The following NUP205 variants were observed in gnomAD, a reference collection of about 807,000 sequenced individuals.
NUP205 encodes the protein nuclear pore complex protein Nup205.
A neutral mutation model predicts 253.8 loss-of-function variants in NUP205; 76 were observed. That is an observed-to-expected ratio of 0.30 (90% CI 0.25 to 0.36). The LOEUF (loss-of-function observed/expected upper bound fraction) is 0.36. NUP205 is among the 10% of genes least tolerant of loss of function. The pLI is 1.00. For missense variants in NUP205, 2,162 were observed against 2,425.5 expected, an observed-to-expected ratio of 0.89 and a Z score of 2.28; for synonymous variants, 832 against 850.1, an observed-to-expected ratio of 0.98 and a Z score of 0.37.
intron 1 of NUP205, among the ~76,000 whole-genome samples, chr7:135,567,425 CAAAAAAA>C (rs760535798): frequency 3.8e-4 from 25 of 65,012 alleles, no homozygotes; most frequent in Middle Eastern, 9.8e-3. Flanking sequence ...CTGTCTATAC[CAAAAAAA>C]AAAAAAAAAA....
At chr7:135,594,808 G>T (rs371487808) in intron 13 of NUP205, 79 bp downstream of exon 13, 1 of 1,114,102 alleles carries the variant, frequency 9.0e-7, no homozygotes, top group African/African-American at 1.6e-5. Context: ...GCAAGAACAT[G>T]CAATTGGAAC....
intron 39 of NUP205, 102 bp from the exon 40 acceptor site, chr7:135,644,793 T>G: frequency 1.8e-6 from 2 of 1,105,798 alleles, no homozygotes; most frequent in East Asian, 2.5e-5. Context: ...TAAATTTGAG[T>G]GTTTTTCATA....
At chr7:135,638,736 A>G (rs1563139741) in intron 38 of NUP205, 53 bp downstream of exon 38, 1 of 1,587,998 alleles carries the variant, frequency 6.3e-7, no homozygotes, top group East Asian at 2.2e-5. Context: ...TATGGTTATG[A>G]CATAGCTCTC....
intron 22 of NUP205, among the ~76,000 whole-genome samples, chr7:135,607,737 G>A (rs922577982): frequency 1.3e-5 from 2 of 152,150 alleles, no homozygotes; most frequent in Admixed American, 6.5e-5. Flanking sequence ...GGCATGAAAC[G>A]TCTCTGACTC....
intron 20 of NUP205, 102 bp from the exon 21 acceptor site, chr7:135,606,649 C>A: frequency 1.2e-6 from 1 of 845,850 alleles, no homozygotes; most frequent in Non-Finnish European, 1.9e-6. Context: ...GGCAAACGAT[C>A]TAAAGAAAAC....
At chr7:135,614,612 T>G in intron 23 of NUP205, among the ~76,000 whole-genome samples, 1 of 152,130 alleles carries the variant, frequency 6.6e-6, no homozygotes, top group South Asian at 2.1e-4. Flanking sequence ...CCAGGCTGTT[T>G]ATGAGGAAAA....
chr7:135,561,819 A>T (rs1477994126), intron 1 of NUP205, among the ~76,000 whole-genome samples: 2 of 151,668 alleles, frequency 1.3e-5, no homozygotes, highest in African/African-American at 2.4e-5. Flanking sequence ...CTCATGCGTC[A>T]CTCCACTTAC....
In NUP205 at chr7:135,592,868, C is replaced by T. The variant is rs565842252; in HGVS notation, c.1625-119C>T. The stretch of plus-strand genomic sequence containing the variant: ...CCCCTCTGCACTCCAGCCTGGGTGA[C>T]AGTGAGACTCTATCTCAAAAAAGAA... On this transcript the variant is annotated intron_variant, in intron 11 of 42. Transcript: ENST00000285968. The T allele has an allele frequency of 2.2e-5, 16 of 729,238 alleles. No homozygotes were observed. The African/African-American group carries it at 2.7e-4, about 12-fold the overall frequency. The allele number at this position is 729,238 out of a possible 1,614,324, so 45.2% of individuals were successfully genotyped here.
At chr7:135,583,449 T>C (rs1487204999) in intron 7 of NUP205, among the ~76,000 whole-genome samples, 3 of 152,064 alleles carry the variant, frequency 2.0e-5, no homozygotes, top group Non-Finnish European at 4.4e-5. Context: ...TGCACCCAGC[T>C]GAGGAATTAG....
chr7:135,585,418 A>C (rs1337010214), intron 8 of NUP205, among the ~76,000 whole-genome samples: 1 of 152,224 alleles, frequency 6.6e-6, no homozygotes, highest in Non-Finnish European at 1.5e-5. Context: ...AATTAAATGA[A>C]AATGCTTCTG....
Position 135,571,133 on chromosome 7 carries a change from C to G in NUP205, c.57C>G (p.Asp19Glu). ...SAASLWGPYK[D>E]IWHKVGNALW... is the part of the protein sequence containing the mutation. ...CTAGTCTATGGGGTCCTTACAAAGA[C>G]ATTTGGCATAAAGTGGGAAATGCTC... The change falls in exon 2 of 43, where the codon GAC becomes GAG. Residue 19 changes from aspartate (D) to glutamate (E), a missense_variant. Asp to Glu is a conservative substitution (Grantham distance 45, BLOSUM62 2). This residue lies in a region of NUP205 where 109 missense variants were observed against 131.8 expected (regional missense o/e 0.83). Transcript: ENST00000285968. 1 of 1,549,928 alleles carries G rather than the reference C, an allele frequency of 6.5e-7. No individual in the cohort carries two copies. Among genetic ancestry groups the G allele is most frequent in the South Asian group, 1.2e-5 (1 of 83,454 alleles).
rs751534580 is a variant in NUP205 at position 135,557,986 on chromosome 7, G to C, written c.28+14G>C. On this transcript the variant is annotated intron_variant, in intron 1 of 42. Coordinates refer to ENST00000285968, the MANE Select transcript of NUP205 (RefSeq NM_015135.3). ...CGGTAAATTCGGGTAAGTGTGGCCA[G>C]ACAGAAAGACGATTGAGCTGAGCGA... 6.8e-6 allele frequency: 11 copies of C among 1,608,992 alleles called. No homozygotes were observed. In the Admixed American group the frequency reaches 1.5e-4, roughly 22 times the overall value.
intron 15 of NUP205, among the ~76,000 whole-genome samples, chr7:135,598,519 G>A (rs1793896437): frequency 6.6e-6 from 1 of 152,184 alleles, no homozygotes; most frequent in African/African-American, 2.4e-5. Context: ...CACTACTACT[G>A]CTTATTGGAA....
chr7:135,583,843 TC>T, intron 7 of NUP205, among the ~76,000 whole-genome samples: 1 of 150,404 alleles, frequency 6.6e-6, no homozygotes, highest in African/African-American at 2.4e-5. Flanking sequence ...TTTCTTTCTT[TC>T]TTTTTTTTTT....
intron 22 of NUP205, among the ~76,000 whole-genome samples, chr7:135,613,351 T>C (rs1794283925): frequency 2.6e-5 from 4 of 151,670 alleles, no homozygotes; most frequent in Admixed American, 6.6e-5. Flanking sequence ...TTTTCTCTTA[T>C]CTATTCTTTT....
chr7:135,626,446 C>A, intron 33 of NUP205, 85 bp downstream of exon 33: 1 of 1,416,606 alleles, frequency 7.1e-7, no homozygotes, highest in Non-Finnish European at 9.6e-7. Context: ...AATTTTGCCG[C>A]TTAGCAATTC....
chr7:135,647,274 A>G (rs1317356792), intron 42 of NUP205, among the ~76,000 whole-genome samples: 2 of 152,208 alleles, frequency 1.3e-5, no homozygotes, highest in Non-Finnish European at 2.9e-5. Flanking sequence ...TGCTCCTCCC[A>G]AATCCCTCTT....
chr7:135,578,075 G>T, intron 6 of NUP205, 51 bp downstream of exon 6: 2 of 1,351,844 alleles, frequency 1.5e-6, no homozygotes, highest in Non-Finnish European at 1.1e-6. Flanking sequence ...ATTTAAAATT[G>T]TGGGGATAAC....
intron 1 of NUP205, among the ~76,000 whole-genome samples, chr7:135,569,175 A>G (rs1055659452): frequency 6.6e-6 from 1 of 152,142 alleles, no homozygotes; most frequent in Non-Finnish European, 1.5e-5. Context: ...GGTTCAAGCA[A>G]TTCTCCTGCC....
Sources: gnomAD v4.1 joint callset for allele counts (sites outside exome capture counted in the v4.1 genomes callset) on GRCh38, gnomAD v4.1.1 for gene constraint, gnomAD v4.1.1 regional missense constraint, MANE v1.5 for transcripts, NCBI Gene and HGNC (gene_info 2026-07-23, HGNC 2026-07-21) for gene names.